Variants in TMEM182 observed in about 807,000 individuals in gnomAD.
TMEM182 encodes transmembrane protein 182.
TMEM182 carries 20 observed loss-of-function variants against 26.8 expected under a neutral mutation model. The observed-to-expected ratio is 0.75, with a 90% CI of 0.53 to 1.09. The LOEUF is 1.09. Ranked by LOEUF, TMEM182 falls within the 50% of genes least tolerant of loss-of-function variation. TMEM182 has a pLI of 0.00. For missense variants in TMEM182, 277 were observed against 275.5 expected, an observed-to-expected ratio of 1.01 and a Z score of -0.04; for synonymous variants, 109 against 102.2, an observed-to-expected ratio of 1.07 and a Z score of -0.40.
rs1365491411 is a variant in TMEM182, at chr2:102,816,698, T to C, written c.*1730T>C. ...GCTTTGTTATTAGAAAAAATAATTA[T>C]GAGGTCTGTTGTGCATGTTGACTGT... On this transcript the variant is annotated 3_prime_UTR_variant, in exon 5 of 5. Coordinates refer to ENST00000412401, the MANE Select transcript of TMEM182 (RefSeq NM_144632.5). The C allele has an allele frequency of 4.1e-6, 4 of 985,792 alleles. No individual in the cohort carries two copies. Among genetic ancestry groups the C allele is most frequent in the Admixed American group, 6.1e-5 (1 of 16,270 alleles). The allele number at this position is 985,792 out of a possible 1,614,324, so 61.1% of individuals were successfully genotyped here.
chr2:102,816,684 A>G lies in TMEM182; in HGVS notation c.*1716A>G. The stretch of plus-strand genomic sequence containing the variant: ...CTTCTTTGCTTTTGGCTTTGTTATT[A>G]GAAAAAATAATTATGAGGTCTGTTG... On this transcript the variant is annotated 3_prime_UTR_variant, in exon 5 of 5. Coordinates refer to ENST00000412401, the MANE Select transcript of TMEM182 (RefSeq NM_144632.5). 1.0e-6 allele frequency: 1 copy of G among 985,708 alleles called. No homozygotes were observed. Among genetic ancestry groups the G allele is most frequent in the Non-Finnish European group, 1.2e-6 (1 of 829,900 alleles). 61.1% of individuals were successfully genotyped at this position (985,708 alleles called of 1,614,324 possible).
intron 3 of TMEM182, among the ~76,000 whole-genome samples, chr2:102,826,313 T>C (rs1174236571): frequency 6.6e-6 from 1 of 151,578 alleles, no homozygotes; most frequent in Non-Finnish European, 1.5e-5. Flanking sequence ...TTTTTTTTTT[T>C]TTTTTTTTAA....
intron 4 of TMEM182, among the ~76,000 whole-genome samples, chr2:102,812,425 A>ACG (rs1553443857): frequency 3.1e-4 from 42 of 137,078 alleles, no homozygotes; most frequent in African/African-American, 1.0e-3. Flanking sequence ...ACACACACAC[A>ACG]CACACTGGTT....
intron 3 of TMEM182, among the ~76,000 whole-genome samples, chr2:102,785,367 T>G (rs1294850699): frequency 6.6e-6 from 1 of 152,240 alleles, no homozygotes; most frequent in Non-Finnish European, 1.5e-5. Flanking sequence ...CTTTCTCTAT[T>G]CTGGCATAAT....
chr2:102,838,541 C>T (rs139995415), intron 3 of TMEM182, among the ~76,000 whole-genome samples: 1 of 152,290 alleles, frequency 6.6e-6, no homozygotes, highest in Non-Finnish European at 1.5e-5. Context: ...GTCCTCTCTG[C>T]CTCTTGGTAA....
In TMEM182 at chr2:102,814,801, G is replaced by T; in HGVS notation, c.523G>T (p.Ala175Ser). The T allele has an allele frequency of 6.2e-7, 1 of 1,613,804 alleles. No individual in the cohort carries two copies. Among genetic ancestry groups the T allele is most frequent in the Non-Finnish European group, 8.5e-7 (1 of 1,179,944 alleles). The change falls in exon 5 of 5, where the codon GCT (alanine) becomes TCT (serine). Residue 175 changes from alanine (A) to serine (S), a missense_variant. Coordinates refer to ENST00000412401, the MANE Select transcript of TMEM182 (RefSeq NM_144632.5). ...MLYVIWVQAV[A>S]DMESYRNMKM... ...GTATGTCATCTGGGTCCAGGCAGTG[G>T]CTGACATGGAAAGCTACCGAAACAT...
rs181432006 is a variant in TMEM182, at chr2:102,816,481, C to T, written c.*1513C>T. Reference sequence around the variant, plus strand: ...TTGGAAAAATTGCAAAGGTCTGAATCTTCAGGGCATTTTCATGACAGGACT... The same window carrying T: ...TTGGAAAAATTGCAAAGGTCTGAATTTTCAGGGCATTTTCATGACAGGACT... On this transcript the variant is annotated 3_prime_UTR_variant, in exon 5 of 5. Coordinates refer to ENST00000412401, the MANE Select transcript of TMEM182 (RefSeq NM_144632.5). 55 of 983,934 alleles carry T rather than the reference C, an allele frequency of 5.6e-5. No homozygotes were observed. In the African/African-American group the frequency reaches 9.5e-4, roughly 17 times the overall value. 61.0% of individuals were successfully genotyped at this position (983,934 alleles called of 1,614,324 possible).
intron 3 of TMEM182, among the ~76,000 whole-genome samples, chr2:102,839,924 G>A (rs1683315537): frequency 6.6e-6 from 1 of 152,176 alleles, no homozygotes. Flanking sequence ...GGTTATAATA[G>A]GCAAAAGACA....
intron 3 of TMEM182, among the ~76,000 whole-genome samples, chr2:102,769,034 CATCCTTGGG>C (rs1680573348): frequency 6.6e-6 from 1 of 152,156 alleles, no homozygotes; most frequent in South Asian, 2.1e-4. Flanking sequence ...TTTCTTCTAC[CATCCTTGGG>C]GGTGGACAGT....
chr2:102,795,331 G>T (rs909971653), intron 3 of TMEM182, among the ~76,000 whole-genome samples: 2 of 152,138 alleles, frequency 1.3e-5, no homozygotes, highest in Admixed American at 6.5e-5. Flanking sequence ...GTAATTTCAG[G>T]TTGTATCCTG....
intron 3 of TMEM182, among the ~76,000 whole-genome samples, chr2:102,835,240 A>C (rs1683222677): frequency 6.6e-6 from 1 of 152,240 alleles, no homozygotes; most frequent in South Asian, 2.1e-4. Context: ...TACATGTAAC[A>C]TTGGAATCCA....
At chr2:102,738,238 TA>T (rs1354915071) in intron 1 of TMEM182, among the ~76,000 whole-genome samples, 2 of 152,164 alleles carry the variant, frequency 1.3e-5, no homozygotes, top group Non-Finnish European at 2.9e-5. Flanking sequence ...GGTGAAATTT[TA>T]GCATGCTCTG....
chr2:102,757,149 G>T (rs1384888601), upstream of TMEM182, among the ~76,000 whole-genome samples: 1 of 152,142 alleles, frequency 6.6e-6, no homozygotes, highest in South Asian at 2.1e-4. Context: ...GGAGAGTAGA[G>T]TATCTACATG....
At chr2:102,803,333 G>A (rs958185741) in intron 4 of TMEM182, among the ~76,000 whole-genome samples, 2 of 152,198 alleles carry the variant, frequency 1.3e-5, no homozygotes, top group Non-Finnish European at 2.9e-5. Context: ...AAGCACAGCC[G>A]TCTGCAGCTC....
chr2:102,784,542 G>C (rs1307306286), intron 3 of TMEM182, among the ~76,000 whole-genome samples: 1 of 152,140 alleles, frequency 6.6e-6, no homozygotes, highest in Non-Finnish European at 1.5e-5. Flanking sequence ...ACCCCAAGAG[G>C]GGGGTTTTTG....
intron 3 of TMEM182, among the ~76,000 whole-genome samples, chr2:102,783,799 A>G (rs1186195566): frequency 6.6e-6 from 1 of 152,210 alleles, no homozygotes; most frequent in African/African-American, 2.4e-5. Context: ...GTCTAAAAAA[A>G]CAAACAAAAA....
intron 3 of TMEM182, among the ~76,000 whole-genome samples, chr2:102,791,977 A>G (rs1260133352): frequency 1.3e-5 from 2 of 151,718 alleles, no homozygotes; most frequent in Non-Finnish European, 2.9e-5. Flanking sequence ...TCCTCCAAAA[A>G]TTGCATAGGA....
chr2:102,804,001 A>T (rs115087647), intron 4 of TMEM182, among the ~76,000 whole-genome samples: 10 of 152,158 alleles, frequency 6.6e-5, no homozygotes, highest in African/African-American at 1.7e-4. Context: ...TGCTGTCTCT[A>T]TGTCTATCCT....
chr2:102,776,001 A>G (rs980708657), intron 3 of TMEM182, among the ~76,000 whole-genome samples: 11 of 152,156 alleles, frequency 7.2e-5, no homozygotes, highest in African/African-American at 2.2e-4. Flanking sequence ...TTGCTAGTAT[A>G]TAGAAATGAA....
Sources: allele counts gnomAD v4.1 joint callset (sites outside exome capture counted in the v4.1 genomes callset), GRCh38; gene constraint gnomAD v4.1.1; transcripts MANE v1.5; gene names NCBI Gene and HGNC (gene_info 2026-07-23, HGNC 2026-07-21).